Variants in TMX2 observed in about 807,000 individuals in gnomAD.
TMX2 encodes thioredoxin related transmembrane protein 2, also known as thioredoxin-related transmembrane protein 2.
A neutral mutation model predicts 33.4 loss-of-function variants in TMX2; 20 were observed. The ratio of observed to expected loss-of-function variants is 0.60; its 90% confidence interval spans 0.42 to 0.87. TMX2 has a LOEUF of 0.87. Among genes scored for constraint, TMX2 ranks in the 40% least tolerant of loss-of-function variants. The probability of loss-of-function intolerance (pLI) is 0.00; values close to 1 mark genes in which losing one functional copy is unlikely to be tolerated. For missense variants in TMX2, 340 were observed against 370.7 expected, an observed-to-expected ratio of 0.92 and a Z score of 0.68; for synonymous variants, 166 against 140.7, an observed-to-expected ratio of 1.18 and a Z score of -1.27.
chr11:57,719,163 G>A (rs1237253963), intron 1 of TMX2, among the ~76,000 whole-genome samples: 1 of 149,418 alleles, frequency 6.7e-6, no homozygotes, highest in Non-Finnish European at 1.5e-5. Flanking sequence ...AGCCTCCTGA[G>A]TAGCTGGGAT....
At chr11:57,732,671 C>T (rs1948470975) in intron 1 of TMX2, among the ~76,000 whole-genome samples, 1 of 152,100 alleles carries the variant, frequency 6.6e-6, no homozygotes, top group African/African-American at 2.4e-5. Context: ...CACCTATTTA[C>T]CTTGCTGATT....
Position 57,728,662 on chromosome 11 carries a change from T to G in TMX2, c.190-8946T>G, listed in dbSNP as rs1010006520. On this transcript the variant is annotated intron_variant, in intron 1 of 7. Transcript: ENST00000278422. ...CATTCTGAAGGGAATTCTCTATTGCTTTTTCTCCTAAAATTTATCTTGATT... is the reference window on the plus strand; with the variant it reads ...CATTCTGAAGGGAATTCTCTATTGCGTTTTCTCCTAAAATTTATCTTGATT... 3.9e-5 allele frequency among the ~76,000 whole-genome samples: 6 copies of G among 152,282 alleles called. No homozygotes were observed. The East Asian group carries it at 1.2e-3, about 29-fold the overall frequency.
chr11:57,729,617 A>C (rs919193525), intron 1 of TMX2, among the ~76,000 whole-genome samples: 1 of 152,128 alleles, frequency 6.6e-6, no homozygotes, highest in Non-Finnish European at 1.5e-5. Context: ...GTTGCCTTTA[A>C]TATGCAAATT....
intron 1 of TMX2, among the ~76,000 whole-genome samples, chr11:57,723,510 A>G (rs1321307310): frequency 1.3e-5 from 2 of 148,666 alleles, no homozygotes; most frequent in Admixed American, 6.7e-5. Flanking sequence ...CGCAAAAAAA[A>G]AAAAAGAAAG....
chr11:57,721,105 C>T (rs1261303717), intron 1 of TMX2, among the ~76,000 whole-genome samples: 1 of 151,698 alleles, frequency 6.6e-6, no homozygotes, highest in African/African-American at 2.4e-5. Context: ...AGTTCGAGAC[C>T]AGCCTGGGCA....
intron 1 of TMX2, among the ~76,000 whole-genome samples, chr11:57,728,001 T>C (rs1355908212): frequency 6.6e-6 from 1 of 151,012 alleles, no homozygotes; most frequent in Admixed American, 6.6e-5. Context: ...AACCAATGTA[T>C]TTCTTAAATG....
rs116151005 is a variant in TMX2 at position 57,720,776 on chromosome 11, A to G, written c.189+7969A>G. Among the ~76,000 whole-genome samples, 751 of 152,292 alleles carry G rather than the reference A, an allele frequency of 4.9e-3. 6 individuals are homozygous for G. The highest frequency in any genetic ancestry group is 0.017 in the African/African-American group (719 of 41,572). On this transcript the variant is annotated intron_variant, in intron 1 of 7. Transcript: ENST00000278422. The stretch of plus-strand genomic sequence containing the variant: ...CATCTGCAATGGACTGTTACCTTAC[A>G]AGGAATCGAACCCACGCTGCAGCAG...
At chr11:57,728,644 A>G (rs1948156934) in intron 1 of TMX2, among the ~76,000 whole-genome samples, 1 of 152,104 alleles carries the variant, frequency 6.6e-6, no homozygotes, top group Non-Finnish European at 1.5e-5. Flanking sequence ...ATGCATTCTG[A>G]AGGGAATTCT....
intron 1 of TMX2, among the ~76,000 whole-genome samples, chr11:57,735,794 G>T (rs12363024): frequency 6.6e-6 from 1 of 152,046 alleles, no homozygotes; most frequent in Non-Finnish European, 1.5e-5. Context: ...CTGAGGTGGA[G>T]TTTTCAGCCC....
intron 7 of TMX2, 39 bp downstream of exon 7, chr11:57,739,299 A>G (rs1395524129): frequency 2.5e-6 from 4 of 1,611,720 alleles, no homozygotes; most frequent in Non-Finnish European, 3.4e-6. Flanking sequence ...AGGGTGCAGA[A>G]CAGTAGGTGG....
intron 7 of TMX2, 89 bp downstream of exon 7, chr11:57,739,349 A>T: frequency 7.1e-7 from 1 of 1,414,314 alleles, no homozygotes; most frequent in South Asian, 1.2e-5. Flanking sequence ...CAGCTCTGCC[A>T]CTTGCCCATT....
chr11:57,726,444 C>T (rs2135543762), intron 1 of TMX2, among the ~76,000 whole-genome samples: 1 of 151,672 alleles, frequency 6.6e-6, no homozygotes, highest in South Asian at 2.1e-4. Context: ...AAAAACAAGT[C>T]AGTCTTGTAA....
At chr11:57,738,531 T>A in intron 4 of TMX2, 101 bp downstream of exon 4, 2 of 1,211,640 alleles carry the variant, frequency 1.7e-6, no homozygotes, top group South Asian at 2.4e-5. Flanking sequence ...TCAAAATGGA[T>A]GTCACGGGCA....
intron 1 of TMX2, among the ~76,000 whole-genome samples, chr11:57,716,817 G>C (rs1255387763): frequency 1.3e-5 from 2 of 149,402 alleles, no homozygotes; most frequent in East Asian, 2.0e-4. Flanking sequence ...CCTCCCGGAC[G>C]GGGCGGCTGG....
intron 1 of TMX2, among the ~76,000 whole-genome samples, chr11:57,726,814 C>T (rs1242062486): frequency 2.0e-5 from 3 of 152,078 alleles, no homozygotes; most frequent in African/African-American, 7.2e-5. Flanking sequence ...GATAAATTGG[C>T]GGAAAGAGAG....
At chr11:57,735,383 G>T (rs568556522) in intron 1 of TMX2, among the ~76,000 whole-genome samples, 3 of 151,948 alleles carry the variant, frequency 2.0e-5, no homozygotes, top group African/African-American at 7.2e-5. Flanking sequence ...TAATTTTTTT[G>T]TATTTTTAGT....
chr11:57,717,622 A>G (rs1395559579), intron 1 of TMX2, among the ~76,000 whole-genome samples: 1 of 150,978 alleles, frequency 6.6e-6, no homozygotes, highest in South Asian at 2.1e-4. Context: ...AGAATCAGGC[A>G]GGGAGGTTGC....
rs373404975 is a variant in TMX2, at chr11:57,712,643, G to T, written c.25G>T (p.Ala9Ser). ...GATGGCGGTCTTGGCACCTCTAATT[G>T]CTCTCGTGTATTCGGTGCCGCGACT... MAVLAPLI[A>S]LVYSVPRLSR... The change falls in exon 1 of 8, where the codon GCT (alanine) becomes TCT (serine). Residue 9 changes from alanine to serine, a missense_variant. Physicochemically the swap from Ala to Ser is moderately conservative, Grantham distance 99 (BLOSUM62 1). Transcript: ENST00000278422. 24 of 1,614,040 alleles carry T rather than the reference G, an allele frequency of 1.5e-5. No individual in the cohort carries two copies. The highest frequency in any genetic ancestry group is 1.9e-5 in the Non-Finnish European group (23 of 1,179,970).
intron 1 of TMX2, among the ~76,000 whole-genome samples, chr11:57,713,312 A>G (rs1946756217): frequency 6.6e-6 from 1 of 152,136 alleles, no homozygotes; most frequent in Admixed American, 6.6e-5. Flanking sequence ...CCTGCACAAC[A>G]CTGTCAGCCG....
Sources: allele counts gnomAD v4.1 joint callset (sites outside exome capture counted in the v4.1 genomes callset), GRCh38; gene constraint gnomAD v4.1.1; transcripts MANE v1.5; gene names NCBI Gene and HGNC (gene_info 2026-07-23, HGNC 2026-07-21).